Variants in TLE1 observed in about 807,000 individuals in gnomAD.
TLE1 encodes the protein TLE family member 1, transcriptional corepressor, also known as transducin-like enhancer protein 1.
In TLE1, 21 loss-of-function variants were observed where a neutral mutation model predicts 89.8. The observed-to-expected ratio is 0.23, with a 90% CI of 0.17 to 0.34. The LOEUF is 0.34. Among genes scored for constraint, TLE1 ranks in the 10% least tolerant of loss-of-function variants. The pLI is 1.00. For missense variants in TLE1, 795 were observed against 1,031.2 expected (o/e 0.77, Z 3.14); for synonymous variants, 447 against 407.6 (o/e 1.10, Z -1.16).
chr9:81,639,250 C>G (rs1372191738), intron 6 of TLE1, among the ~76,000 whole-genome samples: 1 of 148,220 alleles, frequency 6.7e-6, no homozygotes, highest in Admixed American at 6.7e-5. Flanking sequence ...TTTTTTTACA[C>G]AGATGGGGTC....
rs747344303 is a variant in TLE1 at position 81,633,336 on chromosome 9, T to C, written c.594+12A>G. On this transcript the variant is annotated intron_variant, in intron 8 of 19. Transcript: ENST00000376499. ...GTGTGTGTGTGTGTGCAGCAGGCGTTTGAGTACTTACTGTGCCCGGCTCTC... is the reference window on the plus strand; with the variant it reads ...GTGTGTGTGTGTGTGCAGCAGGCGTCTGAGTACTTACTGTGCCCGGCTCTC... 1.2e-5 allele frequency: 19 copies of C among 1,610,136 alleles called. No individual in the cohort carries two copies. The highest frequency in any genetic ancestry group is 1.7e-4 in the Middle Eastern group (1 of 5,954).
chr9:81,652,930 T>A (rs1289081024), intron 5 of TLE1, among the ~76,000 whole-genome samples: 5 of 152,194 alleles, frequency 3.3e-5, no homozygotes, highest in Non-Finnish European at 7.3e-5. Context: ...TATAGCCTTT[T>A]GATTCTTTAC....
chr9:81,674,131 G>A (rs1225972806), intron 4 of TLE1, among the ~76,000 whole-genome samples: 2 of 152,122 alleles, frequency 1.3e-5, no homozygotes, highest in Admixed American at 1.3e-4. Context: ...CACAGAGAAA[G>A]AACAGCCCTT....
chr9:81,601,600 A>G (rs1379863314), intron 14 of TLE1, among the ~76,000 whole-genome samples: 2 of 151,356 alleles, frequency 1.3e-5, no homozygotes, highest in Non-Finnish European at 2.9e-5. Context: ...CTACAGTGCC[A>G]GAAAAAAAAA....
intron 8 of TLE1, among the ~76,000 whole-genome samples, chr9:81,631,321 A>T (rs1588043973): frequency 6.6e-6 from 1 of 152,234 alleles, no homozygotes; most frequent in East Asian, 1.9e-4. Flanking sequence ...ACACATTCGG[A>T]AATTCAGAAA....
chr9:81,626,918 C>T (rs1825972623), intron 8 of TLE1, among the ~76,000 whole-genome samples: 1 of 152,184 alleles, frequency 6.6e-6, no homozygotes, highest in Non-Finnish European at 1.5e-5. Flanking sequence ...CATGACACTG[C>T]CGTTCCCCAG....
intron 6 of TLE1, among the ~76,000 whole-genome samples, chr9:81,643,682 G>A (rs1037372903): frequency 3.9e-5 from 6 of 151,930 alleles, no homozygotes; most frequent in African/African-American, 1.5e-4. Context: ...CTACAGGCAC[G>A]CACCACCACA....
intron 13 of TLE1, among the ~76,000 whole-genome samples, chr9:81,610,949 T>C (rs544513049): frequency 6.6e-6 from 1 of 152,274 alleles, no homozygotes; most frequent in African/African-American, 2.4e-5. Flanking sequence ...TGCCCGCCAC[T>C]GCACAGCCTC....
chr9:81,601,986 G>A (rs984719396), intron 14 of TLE1, among the ~76,000 whole-genome samples: 13 of 152,132 alleles, frequency 8.5e-5, no homozygotes, highest in African/African-American at 2.9e-4. Flanking sequence ...GCTTGTACAC[G>A]ATTATAATCC....
intron 13 of TLE1, 21 bp downstream of exon 13, chr9:81,611,748 G>A: frequency 5.4e-6 from 8 of 1,491,854 alleles, no homozygotes; most frequent in Non-Finnish European, 6.2e-6. Context: ...CCCAACCACA[G>A]CCCACCCGAC....
At chr9:81,626,727 G>A (rs1825950130) in intron 8 of TLE1, among the ~76,000 whole-genome samples, 1 of 152,312 alleles carries the variant, frequency 6.6e-6, no homozygotes, top group Non-Finnish European at 1.5e-5. Context: ...TGGAAAGATA[G>A]CTGTGCAGGT....
At chr9:81,668,770 C>T (rs1008118634) in intron 4 of TLE1, among the ~76,000 whole-genome samples, 3 of 152,184 alleles carry the variant, frequency 2.0e-5, no homozygotes, top group Non-Finnish European at 4.4e-5. Context: ...ATTATAAAGC[C>T]TTACAGTATT....
chr9:81,672,227 G>C (rs561598621), intron 4 of TLE1, among the ~76,000 whole-genome samples: 1 of 152,258 alleles, frequency 6.6e-6, no homozygotes, highest in East Asian at 1.9e-4. Context: ...AGACACACAA[G>C]AAGTTTCTAC....
At chr9:81,642,655 C>G (rs1828281231) in intron 6 of TLE1, among the ~76,000 whole-genome samples, 1 of 151,516 alleles carries the variant, frequency 6.6e-6, no homozygotes, top group Admixed American at 6.6e-5. Flanking sequence ...CACGGTGCCA[C>G]TGCACTCCAG....
chr9:81,684,920 T>C (rs953934254), intron 4 of TLE1, among the ~76,000 whole-genome samples: 2 of 152,210 alleles, frequency 1.3e-5, no homozygotes, highest in Non-Finnish European at 2.9e-5. Flanking sequence ...TCTTCTCTTA[T>C]GAGGTCCTTA....
rs79491036 is a variant in TLE1, at chr9:81,651,931, C to A, written c.372+283G>T. Among the ~76,000 whole-genome samples the A allele has an allele frequency of 2.5e-3, 383 of 151,930 alleles. 3 individuals are homozygous for A. The highest frequency in any genetic ancestry group is 8.7e-3 in the African/African-American group (362 of 41,484). On this transcript the variant is annotated intron_variant, in intron 6 of 19. Coordinates refer to ENST00000376499, the MANE Select transcript of TLE1 (RefSeq NM_005077.5). ...TTCCAGGCCAGAGTAGGCAAAATAC[C>A]AAGACCCCGGTCTGTTTAAAAAGAA...
intron 4 of TLE1, among the ~76,000 whole-genome samples, chr9:81,671,569 C>T (rs1301459847): frequency 1.3e-5 from 2 of 151,516 alleles, no homozygotes; most frequent in Admixed American, 1.3e-4. Context: ...CGCTTGAACC[C>T]GGGAGGCGAA....
At chr9:81,653,456 G>A (rs1182215531) in intron 5 of TLE1, among the ~76,000 whole-genome samples, 1 of 152,154 alleles carries the variant, frequency 6.6e-6, no homozygotes, top group Non-Finnish European at 1.5e-5. Context: ...AAACCTCTAT[G>A]ACTTTGTAAC....
chr9:81,662,989 A>T (rs919790733), intron 4 of TLE1, among the ~76,000 whole-genome samples: 6 of 151,948 alleles, frequency 3.9e-5, no homozygotes, highest in Non-Finnish European at 8.8e-5. Context: ...CTGGGACTAC[A>T]GGTGTGCACC....
Sources: allele counts gnomAD v4.1 joint callset (sites outside exome capture counted in the v4.1 genomes callset), GRCh38; gene constraint gnomAD v4.1.1; transcripts MANE v1.5; gene names NCBI Gene and HGNC (gene_info 2026-07-23, HGNC 2026-07-21).